Variants in BICRAL observed in about 807,000 individuals in gnomAD.
BICRAL encodes the protein BRD4-interacting chromatin-remodeling complex-associated protein-like.
BICRAL carries 8 observed loss-of-function variants against 91.8 expected under a neutral mutation model. That is an observed-to-expected ratio of 0.09 (90% confidence interval 0.05 to 0.16). BICRAL has a LOEUF of 0.16. Among genes scored for constraint, BICRAL ranks in the 10% least tolerant of loss-of-function variants. The pLI is 1.00. For missense variants in BICRAL, 1,038 were observed against 1,310.9 expected (o/e 0.79, Z 3.21); for synonymous variants, 445 against 491.1 (o/e 0.91, Z 1.24).
At chr6:42,804,477 G>A (rs1763656686) in intron 1 of BICRAL, among the ~76,000 whole-genome samples, 1 of 152,114 alleles carries the variant, frequency 6.6e-6, no homozygotes, top group African/African-American at 2.4e-5. Flanking sequence ...ATTTTGCTTC[G>A]GGATTTAAAT....
At chr6:42,773,884 A>C (rs553021308) in intron 1 of BICRAL, among the ~76,000 whole-genome samples, 1 of 152,232 alleles carries the variant, frequency 6.6e-6, no homozygotes, top group Non-Finnish European at 1.5e-5. Flanking sequence ...GATCAGAGCA[A>C]TTTTGAAGGG....
At chr6:42,832,400 CAT>C (rs1321339613) in intron 6 of BICRAL, among the ~76,000 whole-genome samples, 3 of 145,172 alleles carry the variant, frequency 2.1e-5, no homozygotes, top group Non-Finnish European at 4.5e-5. Context: ...TATATATATA[CAT>C]ATATATGTAT....
At chr6:42,837,709 G>A (rs1353675754) in intron 6 of BICRAL, among the ~76,000 whole-genome samples, 3 of 150,604 alleles carry the variant, frequency 2.0e-5, no homozygotes, top group East Asian at 2.0e-4. Context: ...CTGAGATTGC[G>A]CCACTGCAAT....
At chr6:42,847,146 A>T (rs1765036479) in intron 6 of BICRAL, among the ~76,000 whole-genome samples, 2 of 152,178 alleles carry the variant, frequency 1.3e-5, no homozygotes, top group Non-Finnish European at 2.9e-5. Context: ...GCTACTCAGG[A>T]GGCTGAGGTG....
intron 2 of BICRAL, among the ~76,000 whole-genome samples, chr6:42,816,655 T>C (rs867205278): frequency 6.6e-6 from 1 of 152,082 alleles, no homozygotes; most frequent in African/African-American, 2.4e-5. Flanking sequence ...ATTAATTGTT[T>C]TTCTTTTTTG....
rs765131764 is a variant in BICRAL at position 42,862,536 on chromosome 6, G to A, written c.2376G>A (p.Val792=). 4 of 1,610,662 alleles carry A rather than the reference G, an allele frequency of 2.5e-6. No homozygotes were observed. The East Asian group carries it at 6.7e-5, about 27-fold the overall frequency. The change falls in exon 12 of 13, where the codon GTG becomes GTA. Residue 792 remains valine (V), a synonymous_variant. Transcript: ENST00000314073. The part of the protein sequence containing the change: ...AMRINPSAEM[V]MIDRMFNQEE... The stretch of plus-strand genomic sequence containing the variant: ...GAATCAATCCCTCTGCTGAGATGGT[G>A]ATGATCGATAGGATGTTCAACCAGG...
At chr6:42,853,226 CA>C (rs1163955788) in intron 7 of BICRAL, among the ~76,000 whole-genome samples, 3 of 151,358 alleles carry the variant, frequency 2.0e-5, no homozygotes, top group African/African-American at 7.3e-5. Context: ...CTGCAGTACC[CA>C]ATTAGTACTT....
At chr6:42,814,519 A>ATATATATTT (rs1237976324) in intron 2 of BICRAL, among the ~76,000 whole-genome samples, 5 of 80,212 alleles carry the variant, frequency 6.2e-5, no homozygotes, top group African/African-American at 2.0e-4. Flanking sequence ...ATATATATAT[A>ATATATATTT]TTTTTTTTTT....
Position 42,864,895 on chromosome 6 carries a change from A to C in BICRAL, c.2689A>C (p.Thr897Pro), listed in dbSNP as rs759179377. 1 of 1,614,198 alleles carries C rather than the reference A, an allele frequency of 6.2e-7. No individual in the cohort carries two copies. The highest frequency in any genetic ancestry group is 8.5e-7 in the Non-Finnish European group (1 of 1,180,036). ...VSAEGNISKK[T>P]ECLGRALKFD... The stretch of plus-strand genomic sequence containing the variant: ...TGCAGAAGGAAACATTTCTAAAAAA[A>C]CAGAATGCCTTGGCAGAGCACTGAA... Residue 897 changes from threonine (T) to proline (P), a missense_variant, in exon 13 of 13, where the codon ACA (threonine) becomes CCA (proline). By Grantham distance (38) the Thr-to-Pro change is conservative. Coordinates refer to ENST00000314073, the MANE Select transcript of BICRAL (RefSeq NM_001393499.1).
chr6:42,802,219 G>A (rs1372643884), intron 1 of BICRAL, among the ~76,000 whole-genome samples: 4 of 151,868 alleles, frequency 2.6e-5, no homozygotes, highest in Non-Finnish European at 4.4e-5. Flanking sequence ...TCGTACTCCA[G>A]CCTGGGCAAC....
Position 42,826,864 on chromosome 6 carries a change from G to A in BICRAL, c.160-1629G>A, listed in dbSNP as rs144235479. On this transcript the variant is annotated intron_variant, in intron 5 of 12. Transcript: ENST00000314073. ...TGCAATGGCACAATCTTGGCTCACC[G>A]CAACCTCTGCCTCCCAGATTCAAGT... is the stretch of plus-strand genomic sequence containing the variant. Among the ~76,000 whole-genome samples the A allele has an allele frequency of 5.5e-3, 833 of 151,988 alleles. 8 individuals carry two copies. Among genetic ancestry groups the A allele is most frequent in the African/African-American group, 0.019 (804 of 41,470 alleles).
At chr6:42,825,334 G>A (rs977270075) in intron 5 of BICRAL, among the ~76,000 whole-genome samples, 3 of 151,360 alleles carry the variant, frequency 2.0e-5, no homozygotes, top group Non-Finnish European at 4.4e-5. Context: ...GGAGGCCGAG[G>A]TGGGCGGATC....
At chr6:42,854,944 A>T (rs775638380) in intron 8 of BICRAL, among the ~76,000 whole-genome samples, 1 of 152,218 alleles carries the variant, frequency 6.6e-6, no homozygotes, top group African/African-American at 2.4e-5. Flanking sequence ...CTAAAATGGA[A>T]GGAAACATTT....
intron 1 of BICRAL, among the ~76,000 whole-genome samples, chr6:42,805,428 TG>T (rs1763677662): frequency 6.6e-6 from 1 of 152,204 alleles, no homozygotes; most frequent in Non-Finnish European, 1.5e-5. Context: ...AGGAATAACC[TG>T]GTCTCCAAAG....
chr6:42,862,667 ATGGGGCCTT>A, intron 12 of BICRAL, 55 bp downstream of exon 12: 5 of 1,057,252 alleles, frequency 4.7e-6, no homozygotes, highest in Non-Finnish European at 5.9e-6. Flanking sequence ...TTCAGGGACC[ATGGGGCCTT>A]TGGCAGTCTG....
intron 1 of BICRAL, among the ~76,000 whole-genome samples, chr6:42,753,282 T>C (rs766517918): frequency 1.1e-4 from 16 of 152,112 alleles, no homozygotes; most frequent in Non-Finnish European, 1.6e-4. Context: ...CAGTCTGGTC[T>C]TGAACTCTTG....
Position 42,829,361 on chromosome 6 carries a change from C to G in BICRAL, c.1028C>G (p.Ser343Cys). Residue 343 changes from serine to cysteine, a missense_variant, in exon 6 of 13, where the codon TCT (serine) becomes TGT (cysteine). By Grantham distance (112) the Ser-to-Cys change is moderately radical. This residue lies in a region of BICRAL where 532 missense variants were observed against 724.9 expected (regional missense o/e 0.73). Transcript: ENST00000314073. ...IQQHHVQQGI[S>C]FASASSPQGS... ...CAGCACCACGTACAACAAGGGATCT[C>G]TTTTGCTTCTGCAAGCTCACCCCAG... is the stretch of plus-strand genomic sequence containing the variant. 1.2e-6 allele frequency: 2 copies of G among 1,614,214 alleles called. No individual in the cohort carries two copies. Among genetic ancestry groups the G allele is most frequent in the Non-Finnish European group, 1.7e-6 (2 of 1,180,036 alleles).
Position 42,758,310 on chromosome 6 carries a change from A to G in BICRAL, c.-261+11287A>G, listed in dbSNP as rs192040457. ...CACTTAAAACCTCTGCTGGCTCTCT[A>G]TTGTCTCATACAGTTCAGACTCCTT... On this transcript the variant is annotated intron_variant, in intron 1 of 14. Transcript: ENST00000614467. Among the ~76,000 whole-genome samples, 336 of 152,186 alleles carry G rather than the reference A, an allele frequency of 2.2e-3. 4 individuals are homozygous for G. The highest frequency in any genetic ancestry group is 7.8e-3 in the African/African-American group (323 of 41,508).
At chr6:42,792,424 T>A (rs982022283) in intron 1 of BICRAL, among the ~76,000 whole-genome samples, 1 of 142,684 alleles carries the variant, frequency 7.0e-6, no homozygotes, top group South Asian at 2.3e-4. Context: ...TGTACCACCA[T>A]GCCCAGCTAA....
Sources: gnomAD v4.1 joint callset for allele counts (sites outside exome capture counted in the v4.1 genomes callset) on GRCh38, gnomAD v4.1.1 for gene constraint, gnomAD v4.1.1 regional missense constraint, MANE v1.5 for transcripts, NCBI Gene and HGNC (gene_info 2026-07-23, HGNC 2026-07-21) for gene names.